The following LRMDA variants were observed in gnomAD, a reference collection of about 807,000 sequenced individuals.
The protein encoded by LRMDA is leucine rich melanocyte differentiation associated.
Under a neutral mutation model 29.8 loss-of-function variants are expected in LRMDA, and 18 were observed. The observed-to-expected ratio is 0.60, with a 90% CI of 0.42 to 0.90. The LOEUF is 0.90. Ranked by LOEUF, LRMDA falls within the 40% of genes least tolerant of loss-of-function variation. The pLI is 0.00. For missense variants in LRMDA, 273 were observed against 273.9 expected, an observed-to-expected ratio of 1.00 and a Z score of 0.02; for synonymous variants, 125 against 109.4, an observed-to-expected ratio of 1.14 and a Z score of -0.89.
At chr10:75,610,892 G>T (rs529917520) in intron 2 of LRMDA, among the ~76,000 whole-genome samples, 1 of 152,282 alleles carries the variant, frequency 6.6e-6, no homozygotes. Flanking sequence ...CAAATGATGG[G>T]AGTCGTAAAT....
chr10:75,891,504 T>G (rs1467969106), intron 2 of LRMDA, among the ~76,000 whole-genome samples: 4 of 152,204 alleles, frequency 2.6e-5, no homozygotes, highest in East Asian at 1.9e-4. Flanking sequence ...TGCAATTGGG[T>G]GAGAAGGTCA....
At chr10:76,439,712 C>T (rs972128351) in intron 6 of LRMDA, among the ~76,000 whole-genome samples, 8 of 152,184 alleles carry the variant, frequency 5.3e-5, no homozygotes, top group African/African-American at 1.7e-4. Context: ...TGCGCCTGCA[C>T]CCAGTGCTTC....
At chr10:76,088,137 G>T (rs767651300) in intron 5 of LRMDA, among the ~76,000 whole-genome samples, 1 of 152,076 alleles carries the variant, frequency 6.6e-6, no homozygotes, top group Non-Finnish European at 1.5e-5. Context: ...CACACAAAAA[G>T]AACTCTAACC....
intron 6 of LRMDA, among the ~76,000 whole-genome samples, chr10:76,379,323 G>A (rs1841561235): frequency 1.3e-5 from 2 of 151,958 alleles, no homozygotes; most frequent in South Asian, 2.1e-4. Context: ...TAGAATGTGT[G>A]GTAGAATTCT....
intron 2 of LRMDA, among the ~76,000 whole-genome samples, chr10:75,783,485 CAAAAA>C (rs55852739): frequency 4.3e-5 from 3 of 70,528 alleles, no homozygotes; most frequent in African/African-American, 1.1e-4. Context: ...TGCTCAGAGG[CAAAAA>C]AAAAAAAAAA....
At chr10:75,584,406 G>A (rs1288606245) in intron 2 of LRMDA, among the ~76,000 whole-genome samples, 1 of 151,900 alleles carries the variant, frequency 6.6e-6, no homozygotes, top group Non-Finnish European at 1.5e-5. Flanking sequence ...CTTTTTTTGT[G>A]TCTTTTTCCC....
intron 6 of LRMDA, among the ~76,000 whole-genome samples, chr10:76,514,389 A>G (rs957689764): frequency 4.4e-4 from 67 of 152,296 alleles, no homozygotes; most frequent in African/African-American, 1.4e-3. Context: ...TTAGCAGAGA[A>G]GTGGAATCAA....
rs140704208 is a variant in LRMDA at position 76,005,786 on chromosome 10, C to T, written c.132-30222C>T. Among the ~76,000 whole-genome samples, 264 of 151,806 alleles carry T rather than the reference C, an allele frequency of 1.7e-3. 1 individual carries two copies. Among genetic ancestry groups the T allele is most frequent in the African/African-American group, 6.0e-3 (250 of 41,406 alleles). ...TCTACTAAAAATACAAAAAATTAGC[C>T]GAGCTTGGTGGCGGGCGCCTGTAGT... is the stretch of plus-strand genomic sequence containing the variant. On this transcript the variant is annotated intron_variant, in intron 2 of 6. Coordinates refer to ENST00000611255, the MANE Select transcript of LRMDA (RefSeq NM_001305581.2).
chr10:76,463,863 T>C (rs1457435235), intron 6 of LRMDA, among the ~76,000 whole-genome samples: 1 of 151,240 alleles, frequency 6.6e-6, no homozygotes, highest in Non-Finnish European at 1.5e-5. Flanking sequence ...TGTGCAGAGC[T>C]GGATCTTCAA....
chr10:76,025,920 G>A (rs1044891596), intron 2 of LRMDA, among the ~76,000 whole-genome samples: 2 of 152,112 alleles, frequency 1.3e-5, no homozygotes, highest in Non-Finnish European at 2.9e-5. Flanking sequence ...CATCCTTGTA[G>A]CTCCAGAGAC....
At chr10:75,699,151 A>G (rs1048186995) in intron 2 of LRMDA, among the ~76,000 whole-genome samples, 1 of 151,776 alleles carries the variant, frequency 6.6e-6, no homozygotes, top group African/African-American at 2.4e-5. Flanking sequence ...CAATGAGCCA[A>G]TATCACACCA....
At chr10:76,201,846 A>T (rs1851436963) in intron 5 of LRMDA, among the ~76,000 whole-genome samples, 1 of 152,134 alleles carries the variant, frequency 6.6e-6, no homozygotes, top group African/African-American at 2.4e-5. Flanking sequence ...AACAGCAAAT[A>T]TTTCTTTAGT....
intron 2 of LRMDA, among the ~76,000 whole-genome samples, chr10:75,690,548 T>G (rs1192430600): frequency 1.3e-5 from 2 of 152,106 alleles, no homozygotes; most frequent in East Asian, 3.9e-4. Context: ...ACTCCTAGTC[T>G]CTAGTTATCC....
At chr10:76,015,224 T>C (rs1157199161) in intron 2 of LRMDA, among the ~76,000 whole-genome samples, 1 of 152,190 alleles carries the variant, frequency 6.6e-6, no homozygotes. Flanking sequence ...CAACAAACAT[T>C]ATTTATCACA....
chr10:75,909,005 C>G (rs1368806879), intron 2 of LRMDA, among the ~76,000 whole-genome samples: 1 of 152,110 alleles, frequency 6.6e-6, no homozygotes. Context: ...ATTACCTTAA[C>G]TAGTAACTAA....
At chr10:76,236,915 T>TG (rs2132279049) in intron 5 of LRMDA, among the ~76,000 whole-genome samples, 1 of 152,390 alleles carries the variant, frequency 6.6e-6, no homozygotes, top group African/African-American at 2.4e-5. Flanking sequence ...TTCAAAGCTA[T>TG]GCTAACATCT....
intron 5 of LRMDA, among the ~76,000 whole-genome samples, chr10:76,274,436 A>G (rs1313627301): frequency 1.3e-5 from 2 of 152,194 alleles, no homozygotes; most frequent in Admixed American, 6.6e-5. Context: ...TAAGAATACA[A>G]TGATTTCTGT....
intron 2 of LRMDA, among the ~76,000 whole-genome samples, chr10:75,916,748 G>A (rs1039483604): frequency 2.0e-5 from 3 of 152,162 alleles, no homozygotes; most frequent in Admixed American, 6.5e-5. Context: ...CTCCAGGTGC[G>A]AAAACACGCT....
intron 6 of LRMDA, among the ~76,000 whole-genome samples, chr10:76,389,727 G>T (rs1332672825): frequency 1.4e-5 from 2 of 144,362 alleles, no homozygotes; most frequent in African/African-American, 5.8e-5. Context: ...TTAATATTAT[G>T]TGGACTTTTG....
Sources: allele counts gnomAD v4.1 joint callset (sites outside exome capture counted in the v4.1 genomes callset), GRCh38; gene constraint gnomAD v4.1.1; transcripts MANE v1.5; gene names NCBI Gene and HGNC (gene_info 2026-07-23, HGNC 2026-07-21).